Variants in RGPD2 observed in about 807,000 individuals in gnomAD.
RGPD2 encodes the protein RANBP2 like and GRIP domain containing 2, also known as RANBP2-like and GRIP domain-containing protein 2.
In RGPD2, 2 loss-of-function variants were observed where a neutral mutation model predicts 36.0. The observed-to-expected ratio is 0.06, with a 90% CI of 0.02 to 0.17. The LOEUF (loss-of-function observed/expected upper bound fraction) is 0.17. RGPD2 is among the 10% of genes least tolerant of loss of function. The pLI, the probability that RGPD2 is intolerant of heterozygous loss-of-function variation, is 1.00. For synonymous variants in RGPD2, 19 were observed against 163.8 expected, an observed-to-expected ratio of 0.12 and a Z score of 6.75; for missense variants, 40 against 464.3, an observed-to-expected ratio of 0.09 and a Z score of 8.40.
chr2:87,880,333 A>AT, the RGPD2 span, among the ~76,000 whole-genome samples: 1 of 148,142 alleles, frequency 6.8e-6, no homozygotes, highest in Non-Finnish European at 1.5e-5. Context: ...TCTTTTGTCT[A>AT]TTTTTGTTTT....
chr2:87,867,664 T>C, the RGPD2 span, among the ~76,000 whole-genome samples: 1 of 152,122 alleles, frequency 6.6e-6, no homozygotes, highest in Non-Finnish European at 1.5e-5. Context: ...TTTTTTATTT[T>C]TGAGTGTGAA....
chr2:87,973,533 C>T, the RGPD2 span, among the ~76,000 whole-genome samples: 1 of 138,792 alleles, frequency 7.2e-6, no homozygotes, highest in African/African-American at 2.6e-5. Flanking sequence ...GCCCTAGTCC[C>T]AACTCCTTGC....
chr2:87,940,237 C>T, the RGPD2 span, among the ~76,000 whole-genome samples: 1 of 152,016 alleles, frequency 6.6e-6, no homozygotes, highest in Non-Finnish European at 1.5e-5. Flanking sequence ...GAAGGTGCAG[C>T]TGCGCTAGGC....
At chr2:87,877,804 C>CAAAAAAAAAAAAAAAAA in the RGPD2 span, among the ~76,000 whole-genome samples, 59 of 84,436 alleles carry the variant, frequency 7.0e-4, no homozygotes, top group Non-Finnish European at 9.3e-4. Context: ...GACTCCGTCT[C>CAAAAAAAAAAAAAAAAA]AAAAAAAAAA....
chr2:87,881,476 T>G, the RGPD2 span, among the ~76,000 whole-genome samples: 1 of 151,586 alleles, frequency 6.6e-6, no homozygotes. Flanking sequence ...GCTGCCAAGT[T>G]TTCTTTACTC....
At chr2:87,881,469 G>A in the RGPD2 span, among the ~76,000 whole-genome samples, 3 of 151,736 alleles carry the variant, frequency 2.0e-5, no homozygotes, top group East Asian at 1.9e-4. Flanking sequence ...GGCAGTTGCT[G>A]CCAAGTTTTC....
intron 22 of RGPD2, among the ~76,000 whole-genome samples, chr2:87,769,038 G>A: frequency 2.2e-5 from 1 of 44,674 alleles, no homozygotes; most frequent in Non-Finnish European, 4.7e-5. Context: ...CACCATCTTG[G>A]CTCACTGCAA....
chr2:87,849,066 G>A, the RGPD2 span, among the ~76,000 whole-genome samples: 2 of 152,108 alleles, frequency 1.3e-5, no homozygotes, highest in South Asian at 4.1e-4. Context: ...GTAACAGCAT[G>A]TATATTGTCT....
At position 87,781,619 on chromosome 2, in the gene RGPD2, G is replaced by A. The variant is rs201298154; in HGVS notation, c.4900+505C>T. Among the ~76,000 whole-genome samples, 1,042 of 121,010 alleles carry A rather than the reference G, an allele frequency of 8.6e-3. 2 individuals are homozygous for A. Among genetic ancestry groups the A allele is most frequent in the Middle Eastern group, 0.035 (8 of 226 alleles). 79.4% of individuals were successfully genotyped at this position (121,010 alleles called of 152,430 possible). On this transcript the variant is annotated intron_variant, in intron 20 of 22. Transcript: ENST00000398146. ...GCTAATTATAGGCACGCACCACCAC[G>A]CCCGGCTCATTTTTGTATTTTCAGT... is the stretch of plus-strand genomic sequence containing the variant.
At chr2:87,872,663 G>A in the RGPD2 span, among the ~76,000 whole-genome samples, 186 of 149,844 alleles carry the variant, frequency 1.2e-3, no homozygotes, top group Middle Eastern at 0.01. Context: ...TTTGCCTGAT[G>A]CTCTCACTCC....
At chr2:87,879,482 G>A in the RGPD2 span, among the ~76,000 whole-genome samples, 6 of 120,766 alleles carry the variant, frequency 5.0e-5, no homozygotes, top group East Asian at 1.4e-3. Flanking sequence ...ACCCTTCCCA[G>A]CCTCTGGTAA....
At chr2:87,952,149 GAGA>G in the RGPD2 span, among the ~76,000 whole-genome samples, 10 of 152,412 alleles carry the variant, frequency 6.6e-5, no homozygotes, top group African/African-American at 1.9e-4. Flanking sequence ...AGTTTAAAAT[GAGA>G]AGTATTCTTT....
At chr2:87,985,243 G>A in the RGPD2 span, among the ~76,000 whole-genome samples, 106 of 150,964 alleles carry the variant, frequency 7.0e-4, no homozygotes, top group Middle Eastern at 3.4e-3. Flanking sequence ...TATAGTACTC[G>A]GCTAAAGTAC....
the RGPD2 span, among the ~76,000 whole-genome samples, chr2:87,872,195 G>C: frequency 1.3e-5 from 2 of 149,072 alleles, no homozygotes; most frequent in African/African-American, 2.5e-5. Context: ...TAAAAGAATT[G>C]AGCTGATGCG....
At chr2:87,824,671 A>G (rs994431609) in intron 1 of RGPD2, among the ~76,000 whole-genome samples, 3 of 146,984 alleles carry the variant, frequency 2.0e-5, no homozygotes, top group African/African-American at 7.4e-5. Flanking sequence ...ATTTGGGGGA[A>G]AAAAAAAGAC....
chr2:87,912,248 C>T, the RGPD2 span, among the ~76,000 whole-genome samples: 1 of 151,176 alleles, frequency 6.6e-6, no homozygotes, highest in East Asian at 2.0e-4. Context: ...ACCTATGTGC[C>T]TTTGCATATT....
At chr2:87,933,754 T>A in the RGPD2 span, among the ~76,000 whole-genome samples, 1 of 149,178 alleles carries the variant, frequency 6.7e-6, no homozygotes, top group Admixed American at 6.8e-5. Flanking sequence ...TTGTAGTGTG[T>A]TTTTCAGCTC....
chr2:87,884,926 A>C, the RGPD2 span, among the ~76,000 whole-genome samples: 1 of 152,194 alleles, frequency 6.6e-6, no homozygotes. Flanking sequence ...GAGTACTTCC[A>C]AACTAACTTT....
chr2:87,957,406 A>G, the RGPD2 span, among the ~76,000 whole-genome samples: 1 of 151,818 alleles, frequency 6.6e-6, no homozygotes, highest in South Asian at 2.1e-4. Context: ...TCTTGACATT[A>G]TATATAACAG....
Sources: allele counts gnomAD v4.1 joint callset (sites outside exome capture counted in the v4.1 genomes callset), GRCh38; gene constraint gnomAD v4.1.1; transcripts MANE v1.5; gene names NCBI Gene and HGNC (gene_info 2026-07-23, HGNC 2026-07-21).